Variants in RABGAP1L observed in about 807,000 individuals in gnomAD.
RABGAP1L encodes the protein RAB GTPase activating protein 1 like, also known as rab GTPase-activating protein 1-like.
Under a neutral mutation model 137.7 loss-of-function variants are expected in RABGAP1L, and 63 were observed. The ratio of observed to expected loss-of-function variants is 0.46; its 90% CI spans 0.37 to 0.56. The LOEUF is 0.56. RABGAP1L is among the 20% of genes least tolerant of loss of function. The pLI is 0.00. For synonymous variants in RABGAP1L, 431 were observed against 433.7 expected, an observed-to-expected ratio of 0.99 and a Z score of 0.08; for missense variants, 1,095 against 1,244.0, an observed-to-expected ratio of 0.88 and a Z score of 1.80.
rs1386199205 is a variant in RABGAP1L at position 174,550,921 on chromosome 1, CATAT to C, written c.1711-86446_1711-86443del. 7.6e-4 allele frequency among the ~76,000 whole-genome samples: 69 copies of C among 90,928 alleles called. 1 individual carries two copies. Among genetic ancestry groups the C allele is most frequent in the East Asian group, 2.7e-3 (8 of 2,952 alleles). 59.7% of individuals were successfully genotyped at this position (90,928 alleles called of 152,430 possible). A position where few individuals can be genotyped will look rare whatever the true frequency, so the allele number is the denominator to read the frequency against. On this transcript the variant is annotated intron_variant, in intron 13 of 25. Transcript: ENST00000681986. ...ACACACACACATATACACACACACA[CATAT>C]ATATATACACATATATATACACACA...
intron 19 of RABGAP1L, among the ~76,000 whole-genome samples, chr1:174,844,234 T>C (rs1174574310): frequency 9.1e-6 from 1 of 109,864 alleles, no homozygotes; most frequent in Non-Finnish European, 1.8e-5. Flanking sequence ...TTTAATTAGA[T>C]CCCATTTGTC....
At chr1:174,685,469 G>A (rs1336540542) in intron 15 of RABGAP1L, among the ~76,000 whole-genome samples, 2 of 152,088 alleles carry the variant, frequency 1.3e-5, no homozygotes, top group Non-Finnish European at 2.9e-5. Context: ...TAGCCAGGAT[G>A]GTCTTGATCT....
chr1:174,931,864 G>C (rs1663848025), intron 19 of RABGAP1L, among the ~76,000 whole-genome samples: 1 of 151,920 alleles, frequency 6.6e-6, no homozygotes, highest in African/African-American at 2.4e-5. Flanking sequence ...GATTGTACAT[G>C]TTGGCTTCTC....
chr1:174,420,540 A>G (rs1487511033), intron 13 of RABGAP1L, among the ~76,000 whole-genome samples: 2 of 152,160 alleles, frequency 1.3e-5, no homozygotes, highest in Non-Finnish European at 1.5e-5. Context: ...TTTAAATGAC[A>G]TTCATCATTT....
intron 13 of RABGAP1L, among the ~76,000 whole-genome samples, chr1:174,452,486 G>C (rs1278598161): frequency 2.0e-5 from 3 of 152,176 alleles, no homozygotes; most frequent in African/African-American, 7.2e-5. Flanking sequence ...AAATTTTGTA[G>C]TCTGTGTGCC....
At chr1:174,600,176 A>C (rs758926691) in intron 13 of RABGAP1L, among the ~76,000 whole-genome samples, 1 of 152,210 alleles carries the variant, frequency 6.6e-6, no homozygotes, top group Non-Finnish European at 1.5e-5. Flanking sequence ...CTTATTCACT[A>C]TACAAGAATA....
In RABGAP1L at chr1:174,666,591, A is replaced by G. The variant is rs192313780; in HGVS notation, c.1825-16931A>G. 4.6e-5 allele frequency among the ~76,000 whole-genome samples: 7 copies of G among 152,318 alleles called. No individual in the cohort carries two copies. In the East Asian group the frequency reaches 1.4e-3, roughly 29 times the overall value. ...GTTTGACCCATTGTTGCACTCTCACATGGCAGCCTCTTTATCTTGTTAGAG... is the reference window on the plus strand; with the variant it reads ...GTTTGACCCATTGTTGCACTCTCACGTGGCAGCCTCTTTATCTTGTTAGAG... On this transcript the variant is annotated intron_variant, in intron 14 of 25. Transcript: ENST00000681986.
rs543190958 is a variant in RABGAP1L, at chr1:174,697,230, T to G, written c.1900-2295T>G. Reference sequence around the variant, plus strand: ...TTCAAAGAAATAAAAACATATTCCCTTTATAAGACATCAGATGGTAAGACA... The same window carrying G: ...TTCAAAGAAATAAAAACATATTCCCGTTATAAGACATCAGATGGTAAGACA... On this transcript the variant is annotated intron_variant, in intron 15 of 25. Coordinates refer to ENST00000681986, the MANE Select transcript of RABGAP1L (RefSeq NM_001366446.1). Among the ~76,000 whole-genome samples the G allele has an allele frequency of 1.1e-3, 163 of 152,336 alleles. 1 individual carries two copies. The highest frequency in any genetic ancestry group is 3.6e-3 in the African/African-American group (149 of 41,590).
chr1:174,803,797 G>A (rs1330736834), intron 18 of RABGAP1L, among the ~76,000 whole-genome samples: 2 of 152,062 alleles, frequency 1.3e-5, no homozygotes, highest in African/African-American at 4.8e-5. Context: ...ATCAGGCCAA[G>A]CGCAGTGGCT....
intron 13 of RABGAP1L, among the ~76,000 whole-genome samples, chr1:174,581,631 A>G (rs1038150488): frequency 2.6e-5 from 4 of 152,192 alleles, no homozygotes; most frequent in African/African-American, 9.7e-5. Flanking sequence ...TGTGACAAAT[A>G]TACAACTCTG....
chr1:174,526,737 C>G (rs1663906746), intron 13 of RABGAP1L, among the ~76,000 whole-genome samples: 1 of 151,844 alleles, frequency 6.6e-6, no homozygotes, highest in Non-Finnish European at 1.5e-5. Flanking sequence ...TAGTCTAGCT[C>G]TAGTGGTTTA....
chr1:174,773,440 G>C (rs77128727), intron 18 of RABGAP1L, among the ~76,000 whole-genome samples: 1 of 152,120 alleles, frequency 6.6e-6, no homozygotes. Flanking sequence ...TTATACAGCA[G>C]GAGACCCTTA....
At chr1:174,372,068 T>C (rs1685155801) in intron 12 of RABGAP1L, among the ~76,000 whole-genome samples, 1 of 152,182 alleles carries the variant, frequency 6.6e-6, no homozygotes, top group Non-Finnish European at 1.5e-5. Context: ...GCTTCTCCTT[T>C]TTAAGCAAAG....
chr1:174,757,388 C>T (rs1684850620), intron 18 of RABGAP1L, among the ~76,000 whole-genome samples: 1 of 151,902 alleles, frequency 6.6e-6, no homozygotes, highest in Admixed American at 6.6e-5. Flanking sequence ...AAACTGTAAC[C>T]AAATTTTAAT....
intron 4 of RABGAP1L, among the ~76,000 whole-genome samples, chr1:174,234,980 C>T (rs1671030564): frequency 8.5e-6 from 1 of 117,988 alleles, no homozygotes; most frequent in Admixed American, 8.1e-5. Flanking sequence ...GGAGGTCCTT[C>T]ACATCCCTTG....
At chr1:174,680,520 G>A (rs1347425710) in intron 14 of RABGAP1L, among the ~76,000 whole-genome samples, 3 of 152,132 alleles carry the variant, frequency 2.0e-5, no homozygotes, top group African/African-American at 4.8e-5. Flanking sequence ...GTGGTATTCT[G>A]GTTATAGCAT....
intron 15 of RABGAP1L, among the ~76,000 whole-genome samples, chr1:174,686,024 G>GT (rs1483680287): frequency 6.6e-6 from 1 of 152,168 alleles, no homozygotes; most frequent in Non-Finnish European, 1.5e-5. Context: ...AATGAATAGA[G>GT]TAAGAAGATT....
intron 1 of RABGAP1L, among the ~76,000 whole-genome samples, chr1:174,205,835 C>T (rs1337862594): frequency 6.6e-6 from 1 of 152,104 alleles, no homozygotes; most frequent in East Asian, 1.9e-4. Flanking sequence ...TTTCTTCTTG[C>T]TTCTCTAATT....
chr1:174,709,257 C>T (rs532845344), intron 17 of RABGAP1L, among the ~76,000 whole-genome samples: 1 of 152,326 alleles, frequency 6.6e-6, no homozygotes, highest in South Asian at 2.1e-4. Flanking sequence ...CTTCAGCAGA[C>T]TTAAACATTC....
Sources: gnomAD v4.1 joint callset for allele counts (sites outside exome capture counted in the v4.1 genomes callset) on GRCh38, gnomAD v4.1.1 for gene constraint, MANE v1.5 for transcripts, NCBI Gene and HGNC (gene_info 2026-07-23, HGNC 2026-07-21) for gene names.